CCDC141: variants seen among roughly 807,000 people sequenced by gnomAD.
CCDC141 encodes coiled-coil domain containing 141, also known as coiled-coil domain-containing protein 141.
Under a neutral mutation model 181.0 loss-of-function variants are expected in CCDC141, and 168 were observed. The ratio of observed to expected loss-of-function variants is 0.93; its 90% CI spans 0.82 to 1.05. The LOEUF (loss-of-function observed/expected upper bound fraction) is 1.05. Ranked by LOEUF, CCDC141 falls within the 50% of genes least tolerant of loss-of-function variation. The pLI is 0.00. For missense variants in CCDC141, 1,902 were observed against 1,788.5 expected (o/e 1.06, Z -1.14); for synonymous variants, 666 against 642.3 (o/e 1.04, Z -0.56).
At chr2:178,980,140 T>C (rs1015638145) in intron 2 of CCDC141, among the ~76,000 whole-genome samples, 2 of 152,134 alleles carry the variant, frequency 1.3e-5, no homozygotes, top group Non-Finnish European at 1.5e-5. Flanking sequence ...AGCTGAAAGA[T>C]GTCAATAAAA....
chr2:178,845,766 G>A (rs534446102), intron 21 of CCDC141, 24 bp from the exon 22 acceptor site: 22 of 1,410,874 alleles, frequency 1.6e-5, no homozygotes, highest in Non-Finnish European at 1.9e-5. Flanking sequence ...CAGTTAGTGA[G>A]AGCATGAGCC....
chr2:178,989,999 C>T (rs1360723341), intron 2 of CCDC141, among the ~76,000 whole-genome samples: 3 of 151,564 alleles, frequency 2.0e-5, no homozygotes, highest in Non-Finnish European at 2.9e-5. Context: ...ATTAGCTGGG[C>T]ATGGTAGCAC....
At chr2:179,001,648 G>C (rs1389098776) in intron 2 of CCDC141, 1 of 152,224 alleles carries the variant, frequency 6.6e-6, no homozygotes, top group East Asian at 1.9e-4. Flanking sequence ...AGGCAGGAAT[G>C]GCAGGATTAA....
At chr2:178,886,133 T>G (rs1470855258) in intron 10 of CCDC141, among the ~76,000 whole-genome samples, 1 of 151,966 alleles carries the variant, frequency 6.6e-6, no homozygotes, top group African/African-American at 2.4e-5. Context: ...AGAACTGGAG[T>G]CACAGGCCTC....
chr2:178,939,310 A>G (rs1434963587), intron 6 of CCDC141, among the ~76,000 whole-genome samples: 1 of 152,186 alleles, frequency 6.6e-6, no homozygotes, highest in Non-Finnish European at 1.5e-5. Context: ...TTCTTTCTGT[A>G]AAGTGAAAAG....
chr2:179,002,077 C>T (rs1348820461), intron 2 of CCDC141: 2 of 179,904 alleles, frequency 1.1e-5, no homozygotes, highest in Admixed American at 5.9e-5. Context: ...CCCAGCTTCC[C>T]AAAGTGTTGG....
chr2:178,936,511 G>A (rs1306693318), intron 6 of CCDC141, among the ~76,000 whole-genome samples: 1 of 152,040 alleles, frequency 6.6e-6, no homozygotes, highest in Non-Finnish European at 1.5e-5. Flanking sequence ...CTGTAGTATA[G>A]TTTGAACTTT....
At chr2:178,817,741 T>C in the CCDC141 span, 1 of 303,632 alleles carries the variant, frequency 3.3e-6, no homozygotes, top group Non-Finnish European at 6.5e-6. Flanking sequence ...TTCGTTCTCT[T>C]TTTCTTTATC....
intron 12 of CCDC141, 96 bp from the exon 13 acceptor site, chr2:178,872,408 A>C (rs2154369264): frequency 8.7e-7 from 1 of 1,154,116 alleles, no homozygotes; most frequent in African/African-American, 1.6e-5. Flanking sequence ...TCTTTATCAC[A>C]ACCAAAGCCG....
At chr2:178,951,336 T>C (rs1170444317) in intron 5 of CCDC141, among the ~76,000 whole-genome samples, 2 of 152,116 alleles carry the variant, frequency 1.3e-5, no homozygotes, top group Non-Finnish European at 2.9e-5. Context: ...TACTTAGGAG[T>C]GGGACCAAAG....
chr2:179,003,460 C>T (rs569694039), intron 2 of CCDC141, among the ~76,000 whole-genome samples: 2 of 152,314 alleles, frequency 1.3e-5, no homozygotes, highest in South Asian at 2.1e-4. Context: ...CTAATAATAA[C>T]TATCTTATAA....
chr2:178,817,774 C>CCT, the CCDC141 span: 1 of 286,328 alleles, frequency 3.5e-6, no homozygotes, highest in Non-Finnish European at 6.6e-6. Context: ...CTCTCTCCCT[C>CCT]CTCCCTTCCT....
At chr2:178,850,410 T>A (rs959167936) in intron 20 of CCDC141, among the ~76,000 whole-genome samples, 1 of 152,222 alleles carries the variant, frequency 6.6e-6, no homozygotes, top group Non-Finnish European at 1.5e-5. Flanking sequence ...ACATGAATAG[T>A]CTTAAAGCTC....
chr2:179,019,021 G>T (rs1410729076), intron 2 of CCDC141, among the ~76,000 whole-genome samples: 1 of 152,054 alleles, frequency 6.6e-6, no homozygotes, highest in African/African-American at 2.4e-5. Context: ...GCCAGACCAT[G>T]GCCCTCTTCT....
intron 15 of CCDC141, among the ~76,000 whole-genome samples, chr2:178,868,813 T>C (rs1057392822): frequency 5.3e-5 from 8 of 151,862 alleles, no homozygotes; most frequent in African/African-American, 1.9e-4. Flanking sequence ...TGAGGTAGGA[T>C]TGTTGGAAGG....
At chr2:178,984,908 G>A (rs1453304180) in intron 2 of CCDC141, among the ~76,000 whole-genome samples, 28 of 150,546 alleles carry the variant, frequency 1.9e-4, no homozygotes, top group South Asian at 1.5e-3. Context: ...ACAGATCAAC[G>A]AGACAGAAAG....
At chr2:178,869,880 T>C (rs1168884673) in intron 14 of CCDC141, among the ~76,000 whole-genome samples, 1 of 152,138 alleles carries the variant, frequency 6.6e-6, no homozygotes, top group Admixed American at 6.5e-5. Flanking sequence ...TCACCCAGCA[T>C]TGCTCAGATA....
At chr2:178,933,561 T>C (rs1054483112) in intron 6 of CCDC141, among the ~76,000 whole-genome samples, 2 of 152,188 alleles carry the variant, frequency 1.3e-5, no homozygotes, top group African/African-American at 4.8e-5. Flanking sequence ...ATTAATAACC[T>C]CCATCTCGAA....
At chr2:178,840,380 G>A (rs527733005) in intron 22 of CCDC141, among the ~76,000 whole-genome samples, 1 of 152,298 alleles carries the variant, frequency 6.6e-6, no homozygotes, top group South Asian at 2.1e-4. Context: ...CTCCACAGAA[G>A]AATAATGTTT....
Sources: allele counts gnomAD v4.1 joint callset (sites outside exome capture counted in the v4.1 genomes callset), GRCh38; gene constraint gnomAD v4.1.1; transcripts MANE v1.5; gene names NCBI Gene and HGNC (gene_info 2026-07-23, HGNC 2026-07-21).